FREM2: variants seen among roughly 807,000 people sequenced by gnomAD.
The protein encoded by FREM2 is FRAS1 related extracellular matrix 2.
FREM2 carries 119 observed loss-of-function variants against 219.9 expected under a neutral mutation model. The ratio of observed to expected loss-of-function variants is 0.54; its 90% CI spans 0.47 to 0.63. The LOEUF is 0.63. Among genes scored for constraint, FREM2 ranks in the 30% least tolerant of loss-of-function variants. The pLI is 0.00. For synonymous variants in FREM2, 1,562 were observed against 1,522.8 expected, an observed-to-expected ratio of 1.03 and a Z score of -0.60; for missense variants, 4,030 against 3,993.6, an observed-to-expected ratio of 1.01 and a Z score of -0.25.
intron 2 of FREM2, among the ~76,000 whole-genome samples, chr13:38,712,726 G>A (rs925140382): frequency 3.3e-5 from 5 of 151,422 alleles, no homozygotes; most frequent in Admixed American, 6.6e-5. Flanking sequence ...TGAGATTCCA[G>A]TGTATTACTA....
chr13:38,748,222 T>C (rs1872567034), intron 2 of FREM2, among the ~76,000 whole-genome samples: 1 of 152,218 alleles, frequency 6.6e-6, no homozygotes, highest in Non-Finnish European at 1.5e-5. Context: ...AATATACCAG[T>C]AGTCAGTTGT....
intron 11 of FREM2, among the ~76,000 whole-genome samples, chr13:38,853,631 C>T (rs1190468503): frequency 1.3e-5 from 2 of 152,124 alleles, no homozygotes; most frequent in African/African-American, 2.4e-5. Flanking sequence ...TACAAAGGAG[C>T]TTGTATATTC....
Position 38,687,865 on chromosome 13 carries a change from T to G in FREM2, c.521T>G (p.Val174Gly), listed in dbSNP as rs1593339526. 1 of 1,567,146 alleles carries G rather than the reference T, an allele frequency of 6.4e-7. No individual in the cohort carries two copies. Residue 174 changes from valine (V) to glycine (G), a missense_variant, in exon 1 of 24, where the codon GTG becomes GGG. Physicochemically the swap from Val to Gly is moderately radical, Grantham distance 109. This residue lies in a region of FREM2 where 3,102 missense variants were observed against 2,950.7 expected (regional missense o/e 1.05). Transcript: ENST00000280481. ...VVLPLVLEVE[V>G]VFTQLEVVTR... is the part of the protein sequence containing the mutation. ...CTACCACTGGTACTGGAGGTGGAGG[T>G]GGTCTTCACCCAGCTGGAGGTTGTG...
rs558514780 is a variant in FREM2, at chr13:38,822,190, A to T, written c.6020-24383A>T. On this transcript the variant is annotated intron_variant, in intron 6 of 23. Coordinates refer to ENST00000280481, the MANE Select transcript of FREM2 (RefSeq NM_207361.6). ...AATATAGGTATTGTGAGAGGAAAAA[A>T]ATAGCTTTCTTTTTACACCTTATAG... 1.5e-4 allele frequency: 23 copies of T among 152,192 alleles called. No individual in the cohort carries two copies. In the South Asian group the frequency reaches 4.8e-3, roughly 32 times the overall value. The allele number at this position is 152,192 out of a possible 1,614,324, so 9.4% of individuals were successfully genotyped here. A position where few individuals can be genotyped will look rare whatever the true frequency, so the allele number is the denominator to read the frequency against.
intron 6 of FREM2, among the ~76,000 whole-genome samples, chr13:38,793,720 G>A (rs1317324845): frequency 1.3e-5 from 2 of 152,220 alleles, no homozygotes; most frequent in Non-Finnish European, 2.9e-5. Flanking sequence ...GGCTGTTGGA[G>A]CAACACAGGT....
intron 20 of FREM2, 68 bp downstream of exon 20, chr13:38,876,450 A>G (rs1165280309): frequency 1.4e-5 from 19 of 1,368,454 alleles, no homozygotes; most frequent in Non-Finnish European, 1.5e-5. Context: ...TATTAGTAAA[A>G]AAAAAAAAAA....
intron 8 of FREM2, 53 bp from the exon 9 acceptor site, chr13:38,849,985 A>G: frequency 4.2e-6 from 6 of 1,427,680 alleles, no homozygotes; most frequent in South Asian, 1.2e-5. Context: ...ATCTTCTGAA[A>G]TGCCATTTTC....
At chr13:38,734,097 G>C (rs1045161509) in intron 2 of FREM2, among the ~76,000 whole-genome samples, 2 of 149,778 alleles carry the variant, frequency 1.3e-5, no homozygotes, top group African/African-American at 2.5e-5. Flanking sequence ...TCTTATTTAA[G>C]AAAAAAAGTC....
chr13:38,761,017 T>A (rs1190284164), intron 2 of FREM2, among the ~76,000 whole-genome samples: 1 of 152,124 alleles, frequency 6.6e-6, no homozygotes, highest in Non-Finnish European at 1.5e-5. Flanking sequence ...AAGAGAATGA[T>A]ATTTTCTGGA....
intron 6 of FREM2, among the ~76,000 whole-genome samples, chr13:38,814,511 G>A (rs752540823): frequency 1.1e-4 from 16 of 152,056 alleles, no homozygotes; most frequent in Non-Finnish European, 1.6e-4. Context: ...AACATATAGC[G>A]TCTCTGTCTC....
intron 6 of FREM2, among the ~76,000 whole-genome samples, chr13:38,824,330 A>G (rs988553876): frequency 1.3e-5 from 2 of 152,050 alleles, no homozygotes; most frequent in African/African-American, 2.4e-5. Flanking sequence ...CTTATAAGGT[A>G]TATGTTCTTG....
chr13:38,867,913 C>T lies in FREM2; in HGVS notation c.7983+3307C>T, dbSNP rs142695484. On this transcript the variant is annotated intron_variant, in intron 16 of 23. Transcript: ENST00000280481. The stretch of plus-strand genomic sequence containing the variant: ...GGATGGGTCTTCCTTACTCAGTCCA[C>T]GGATTCAAATGCCAGTCTTTTCTGG... Among the ~76,000 whole-genome samples the T allele has an allele frequency of 4.6e-3, 705 of 152,322 alleles. 5 individuals carry two copies. Among genetic ancestry groups the T allele is most frequent in the African/African-American group, 0.016 (671 of 41,562 alleles).
At chr13:38,819,937 G>A (rs1276179441) in intron 6 of FREM2, among the ~76,000 whole-genome samples, 1 of 152,078 alleles carries the variant, frequency 6.6e-6, no homozygotes, top group Non-Finnish European at 1.5e-5. Context: ...ATTCTACAAT[G>A]TAATACTCAA....
chr13:38,784,367 G>T (rs369495780), intron 5 of FREM2, among the ~76,000 whole-genome samples, 190 bp from the exon 6 acceptor site: 11 of 152,324 alleles, frequency 7.2e-5, no homozygotes, highest in East Asian at 3.9e-4. Flanking sequence ...TTCCTTATAG[G>T]TGTATAGGTT....
intron 4 of FREM2, among the ~76,000 whole-genome samples, chr13:38,772,577 A>G (rs922734225): frequency 2.6e-5 from 4 of 152,310 alleles, no homozygotes; most frequent in South Asian, 4.1e-4. Flanking sequence ...CCTTGTAGAC[A>G]TATGAACCAT....
At chr13:38,787,052 T>G (rs1874360202) in intron 6 of FREM2, among the ~76,000 whole-genome samples, 1 of 152,150 alleles carries the variant, frequency 6.6e-6, no homozygotes, top group African/African-American at 2.4e-5. Context: ...TGTCAGTGTC[T>G]TATCAGAGCT....
chr13:38,876,301 A>G lies in FREM2; in HGVS notation c.8463A>G (p.Pro2821=). ...TGAAGCTGGTGCCATGCACTGCCCCATCACATCAGGAATACCGCCTGCCAG... is the reference window on the plus strand; with the variant it reads ...TGAAGCTGGTGCCATGCACTGCCCCGTCACATCAGGAATACCGCCTGCCAG... ...YTVKLVPCTA[P]SHQEYRLPVT... is the part of the protein sequence containing the mutation. The change falls in exon 20 of 24, where the codon CCA becomes CCG. Residue 2821 remains proline (P), a synonymous_variant. Transcript: ENST00000280481. 1 of 1,614,098 alleles carries G rather than the reference A, an allele frequency of 6.2e-7. No homozygotes were observed. Among genetic ancestry groups the G allele is most frequent in the East Asian group, 2.2e-5 (1 of 44,882 alleles).
intron 13 of FREM2, 73 bp downstream of exon 13, chr13:38,858,106 T>A: frequency 1.5e-6 from 2 of 1,293,160 alleles, no homozygotes; most frequent in Non-Finnish European, 2.2e-6. Flanking sequence ...CAATATAGCA[T>A]TGGCTTTGTT....
chr13:38,816,749 TAAAA>T (rs1875785111), intron 6 of FREM2, among the ~76,000 whole-genome samples: 1 of 152,038 alleles, frequency 6.6e-6, no homozygotes, highest in African/African-American at 2.4e-5. Flanking sequence ...GAGAAAGAAA[TAAAA>T]GGCATTCAAA....
Sources: gnomAD v4.1 joint callset for allele counts (sites outside exome capture counted in the v4.1 genomes callset) on GRCh38, gnomAD v4.1.1 for gene constraint, gnomAD v4.1.1 regional missense constraint, MANE v1.5 for transcripts, NCBI Gene and HGNC (gene_info 2026-07-23, HGNC 2026-07-21) for gene names.